Variants in CXCR6 observed in about 807,000 individuals in gnomAD.
CXCR6 encodes C-X-C chemokine receptor type 6.
CXCR6 carries 3 observed loss-of-function variants against 1.6 expected under a neutral mutation model. The observed-to-expected ratio is 1.83, with a 90% CI of 0.83 to 4.72. The LOEUF is 4.72. Ranked by LOEUF, CXCR6 falls within the 30% of genes most tolerant of loss-of-function variation. CXCR6 has a pLI of 0.02. For synonymous variants in CXCR6, 171 were observed against 159.2 expected (o/e 1.07, Z -0.56); for missense variants, 326 against 414.8 (o/e 0.79, Z 1.86).
upstream of CXCR6, among the ~76,000 whole-genome samples, chr3:45,942,829 C>T (rs1704313899): frequency 6.6e-6 from 1 of 152,198 alleles, no homozygotes; most frequent in African/African-American, 2.4e-5. Flanking sequence ...TGGGCACTGC[C>T]TGCTGAGTGC....
chr3:45,947,748 T>C lies in CXCR6; in HGVS notation c.*238T>C. The C allele has an allele frequency of 1.9e-6, 1 of 519,448 alleles. No homozygotes were observed. Among genetic ancestry groups the C allele is most frequent in the Admixed American group, 3.5e-5 (1 of 28,578 alleles). The allele number at this position is 519,448 out of a possible 1,614,324, so 32.2% of individuals were successfully genotyped here. A position where few individuals can be genotyped will look rare whatever the true frequency, so the allele number is the denominator to read the frequency against. On this transcript the variant is annotated 3_prime_UTR_variant, in exon 2 of 2. Transcript: ENST00000304552. ...ATTTTTAAGGACTTTCCTTCCTCCA[T>C]CTCCAAGAATGCTGAAACCAAGGGG...
rs1031601685 is a variant in CXCR6, at chr3:45,946,479, A to C, written c.-3A>C. 3 of 1,610,562 alleles carry C rather than the reference A, an allele frequency of 1.9e-6. No individual in the cohort carries two copies. Among genetic ancestry groups the C allele is most frequent in the Non-Finnish European group, 1.7e-6 (2 of 1,177,414 alleles). On this transcript the variant is annotated 5_prime_UTR_variant, in exon 2 of 2. Transcript: ENST00000304552. ...CTCACAGGTGTTCATCAGAACAGACACCATGGCAGAGCATGATTACCATGA... is the reference window on the plus strand; with the variant it reads ...CTCACAGGTGTTCATCAGAACAGACCCCATGGCAGAGCATGATTACCATGA...
At chr3:45,941,767 G>C (rs2125813842), upstream of CXCR6, among the ~76,000 whole-genome samples, 1 of 152,356 alleles carries the variant, frequency 6.6e-6, no homozygotes, top group South Asian at 2.1e-4. Context: ...GCTGAGAAAA[G>C]CATGGCCAAG....
intron 1 of CXCR6, chr3:45,946,123 A>G (rs1013546907): frequency 2.2e-5 from 5 of 230,938 alleles, no homozygotes; most frequent in Non-Finnish European, 3.4e-5. Context: ...TTGCTCTTCC[A>G]AACAGCACTG....
Position 45,948,302 on chromosome 3 carries a change from C to T in CXCR6, c.*792C>T, listed in dbSNP as rs1218954898. The T allele has an allele frequency of 6.0e-6, 1 of 166,694 alleles. No individual in the cohort carries two copies. The highest frequency in any genetic ancestry group is 1.9e-4 in the East Asian group (1 of 5,208). 10.3% of individuals were successfully genotyped at this position (166,694 alleles called of 1,614,324 possible). On this transcript the variant is annotated 3_prime_UTR_variant, in exon 2 of 2. Coordinates refer to ENST00000304552, the MANE Select transcript of CXCR6 (RefSeq NM_006564.2). ...ACATACACACATATGTCATATATTA[C>T]TAGCATATGAGTTTCATAGCTAAGA...
Position 45,947,246 on chromosome 3 carries a change from C to T in CXCR6, c.765C>T (p.Ser255=). 6.2e-7 allele frequency: 1 copy of T among 1,614,148 alleles called. No individual in the cohort carries two copies. Among genetic ancestry groups the T allele is most frequent in the Non-Finnish European group, 8.5e-7 (1 of 1,180,040 alleles). The change falls in exon 2 of 2, where the codon AGC becomes AGT. Residue 255 remains serine, a synonymous_variant. Transcript: ENST00000304552. ...TCAACCTCATGAAGTTCATCCGCAG[C>T]ACACACTGGGAATACTATGCCATGA... ...MPFNLMKFIR[S]THWEYYAMTS... is the part of the protein sequence containing the mutation.
In CXCR6 at chr3:45,946,660, A is replaced by G. The variant is rs746949889; in HGVS notation, c.179A>G (p.His60Arg). 1.4e-5 allele frequency: 22 copies of G among 1,614,066 alleles called. No homozygotes were observed. Among genetic ancestry groups the G allele is most frequent in the Non-Finnish European group, 1.9e-5 (22 of 1,180,030 alleles). The change falls in exon 2 of 2, where the codon CAT becomes CGT. Residue 60 changes from histidine (H) to arginine (R), a missense_variant. Coordinates refer to ENST00000304552, the MANE Select transcript of CXCR6 (RefSeq NM_006564.2). ...GTGCTGGTCATATCCATCTTCTACC[A>G]TAAGTTGCAGAGCCTGACGGATGTG... Reference protein sequence around the residue: ...SLVLVISIFYHKLQSLTDVFL... With the variant: ...SLVLVISIFYRKLQSLTDVFL...
At chr3:45,944,850 T>G (rs1476041395) in intron 1 of CXCR6, among the ~76,000 whole-genome samples, 1 of 152,208 alleles carries the variant, frequency 6.6e-6, no homozygotes, top group Non-Finnish European at 1.5e-5. Context: ...AGCCACCTGT[T>G]TCATATTTTA....
upstream of CXCR6, among the ~76,000 whole-genome samples, chr3:45,942,987 T>A (rs1435076437): frequency 6.6e-6 from 1 of 152,198 alleles, no homozygotes; most frequent in East Asian, 1.9e-4. Flanking sequence ...GGCTTGTTAT[T>A]TTGGCTATGG....
At chr3:45,945,517 G>A (rs1704532365) in intron 1 of CXCR6, 1 of 152,250 alleles carries the variant, frequency 6.6e-6, no homozygotes, top group Admixed American at 6.5e-5. Context: ...GGTGCCCTGG[G>A]TAAGAAAGGT....
intron 1 of CXCR6, among the ~76,000 whole-genome samples, chr3:45,944,001 A>T (rs1704416736): frequency 6.6e-6 from 1 of 152,242 alleles, no homozygotes; most frequent in African/African-American, 2.4e-5. Flanking sequence ...TAAGTCACCC[A>T]TAATTCCACC....
At chr3:45,941,474 A>G (rs1704220218), upstream of CXCR6, among the ~76,000 whole-genome samples, 1 of 152,242 alleles carries the variant, frequency 6.6e-6, no homozygotes, top group African/African-American at 2.4e-5. Flanking sequence ...TTTGTTTCAA[A>G]TAAAAGTAAT....
chr3:45,943,303 A>C (rs1286837227), upstream of CXCR6, among the ~76,000 whole-genome samples: 2 of 152,178 alleles, frequency 1.3e-5, no homozygotes, highest in Non-Finnish European at 2.9e-5. Flanking sequence ...AGCAGAATGA[A>C]GGGAGTGTGG....
chr3:45,943,967 A>C (rs898892996), intron 1 of CXCR6, among the ~76,000 whole-genome samples: 1 of 152,220 alleles, frequency 6.6e-6, no homozygotes, highest in East Asian at 1.9e-4. Context: ...AAACTTTGAA[A>C]ACTATTTTAA....
At position 45,947,767 on chromosome 3, in the gene CXCR6, C is replaced by G; in HGVS notation, c.*257C>G. 2.1e-6 allele frequency: 1 copy of G among 487,028 alleles called. No homozygotes were observed. The highest frequency in any genetic ancestry group is 3.8e-6 in the Non-Finnish European group (1 of 263,854). 30.2% of individuals were successfully genotyped at this position (487,028 alleles called of 1,614,324 possible). On this transcript the variant is annotated 3_prime_UTR_variant, in exon 2 of 2. Transcript: ENST00000304552. ...CCTCCATCTCCAAGAATGCTGAAAC[C>G]AAGGGGGATGACATGTGACTCCTAT...
At chr3:45,942,576 C>T (rs545326296), upstream of CXCR6, among the ~76,000 whole-genome samples, 2 of 152,308 alleles carry the variant, frequency 1.3e-5, no homozygotes, top group East Asian at 1.9e-4. Context: ...AAGCAGACAT[C>T]GAGTCCATGC....
upstream of CXCR6, among the ~76,000 whole-genome samples, chr3:45,942,159 AG>A (rs1160938496): frequency 6.6e-6 from 1 of 152,234 alleles, no homozygotes; most frequent in African/African-American, 2.4e-5. Context: ...ATCTTTTATC[AG>A]GGCCCCCTGG....
In CXCR6 at chr3:45,947,270, G is replaced by A. The variant is rs1241417441; in HGVS notation, c.789G>A (p.Met263Ile). 13 of 1,613,948 alleles carry A rather than the reference G, an allele frequency of 8.1e-6. No homozygotes were observed. In the Admixed American group the frequency reaches 1.8e-4, roughly 23 times the overall value. ...GCACACACTGGGAATACTATGCCAT[G>A]ACCAGCTTTCACTACACCATCATGG... ...IRSTHWEYYAMTSFHYTIMVT... is the reference protein window; with the variant it reads ...IRSTHWEYYAITSFHYTIMVT... Residue 263 changes from methionine to isoleucine, a missense_variant, in exon 2 of 2, where the codon ATG becomes ATA. Physicochemically the swap from Met to Ile is conservative, Grantham distance 10. Transcript: ENST00000304552.
upstream of CXCR6, among the ~76,000 whole-genome samples, chr3:45,942,525 G>T (rs1358162432): frequency 6.6e-6 from 1 of 152,172 alleles, no homozygotes; most frequent in Non-Finnish European, 1.5e-5. Context: ...GCCAGAGAAG[G>T]CAGGCCAGGC....
Sources: allele counts gnomAD v4.1 joint callset (sites outside exome capture counted in the v4.1 genomes callset), GRCh38; gene constraint gnomAD v4.1.1; transcripts MANE v1.5; gene names NCBI Gene and HGNC (gene_info 2026-07-23, HGNC 2026-07-21).